The following ANXA8 variants were observed in gnomAD, a reference collection of about 807,000 sequenced individuals.
ANXA8 encodes annexin A8.
A neutral mutation model predicts 26.8 loss-of-function variants in ANXA8; 9 were observed. The observed-to-expected ratio is 0.34, with a 90% CI of 0.20 to 0.59. ANXA8 has a LOEUF of 0.59. ANXA8 is among the 20% of genes least tolerant of loss of function. The pLI, the probability that ANXA8 is intolerant of heterozygous loss-of-function variation, is 0.84. For missense variants in ANXA8, 83 were observed against 238.5 expected, an observed-to-expected ratio of 0.35 and a Z score of 4.29; for synonymous variants, 39 against 94.8, an observed-to-expected ratio of 0.41 and a Z score of 3.42.
chr10:47,976,418 A>T, the ANXA8 span, among the ~76,000 whole-genome samples: 3 of 151,398 alleles, frequency 2.0e-5, 1 homozygote, highest in Non-Finnish European at 4.4e-5. Flanking sequence ...TTGAACATAA[A>T]TGTTCTCAGC....
chr10:47,693,437 C>G, the ANXA8 span, among the ~76,000 whole-genome samples: 2 of 151,592 alleles, frequency 1.3e-5, no homozygotes, highest in Non-Finnish European at 2.9e-5. Context: ...CTACAGGCGC[C>G]TGCCACCGCG....
At chr10:47,595,568 A>G in the ANXA8 span, among the ~76,000 whole-genome samples, 1 of 149,438 alleles carries the variant, frequency 6.7e-6, no homozygotes, top group Non-Finnish European at 1.5e-5. Context: ...ATAGAGAAAG[A>G]TTAATCATGC....
chr10:47,672,943 C>T, the ANXA8 span, among the ~76,000 whole-genome samples: 1 of 151,566 alleles, frequency 6.6e-6, no homozygotes, highest in African/African-American at 2.4e-5. Flanking sequence ...ATGAACCAAA[C>T]TCCAGAAAGT....
chr10:47,918,350 A>G, the ANXA8 span, among the ~76,000 whole-genome samples: 1 of 15,444 alleles, frequency 6.5e-5, no homozygotes, highest in African/African-American at 4.9e-4. Flanking sequence ...AGGGAGGGGG[A>G]GGGAGGGAGA....
At chr10:47,991,530 C>A in the ANXA8 span, 1 of 1,561,982 alleles carries the variant, frequency 6.4e-7, no homozygotes, top group South Asian at 1.1e-5. Flanking sequence ...CTTCTCGGCC[C>A]CTTCCCACCC....
the ANXA8 span, among the ~76,000 whole-genome samples, chr10:47,560,617 A>C: frequency 6.6e-6 from 1 of 151,886 alleles, no homozygotes; most frequent in South Asian, 2.1e-4. Flanking sequence ...CAGATTCCCC[A>C]TGTGCGATGT....
the ANXA8 span, among the ~76,000 whole-genome samples, chr10:47,769,229 A>G: frequency 2.0e-5 from 3 of 149,284 alleles, no homozygotes; most frequent in Non-Finnish European, 4.4e-5. Flanking sequence ...CCATTTGAGC[A>G]TGAAACCTCT....
At chr10:47,543,443 C>T in the ANXA8 span, 8 of 184,680 alleles carry the variant, frequency 4.3e-5, no homozygotes, top group African/African-American at 4.2e-4. Context: ...CCAGCAAGGC[C>T]ATCTTCCCTT....
chr10:47,502,984 G>C, the ANXA8 span: 4 of 1,560,114 alleles, frequency 2.6e-6, 1 homozygote, highest in South Asian at 3.4e-5. Flanking sequence ...GGTGGTGCTG[G>C]AGATACCGGG....
At chr10:47,763,806 T>C in the ANXA8 span, among the ~76,000 whole-genome samples, 1 of 86,256 alleles carries the variant, frequency 1.2e-5, no homozygotes, top group African/African-American at 4.7e-5. Context: ...GGGGAGGGGG[T>C]GGTTGTGGGG....
chr10:47,645,151 T>A, the ANXA8 span, among the ~76,000 whole-genome samples: 3 of 150,736 alleles, frequency 2.0e-5, no homozygotes, highest in African/African-American at 7.4e-5. Flanking sequence ...TAATTAACAC[T>A]AGATTTAGAG....
At chr10:47,530,130 C>T in the ANXA8 span, among the ~76,000 whole-genome samples, 9 of 138,058 alleles carry the variant, frequency 6.5e-5, 1 homozygote, top group East Asian at 6.0e-4. Context: ...ACAATAGCTA[C>T]GACCTGGGGC....
chr10:47,510,112 AT>A, the ANXA8 span: 1 of 1,290,112 alleles, frequency 7.8e-7, no homozygotes, highest in African/African-American at 1.7e-5. Context: ...GGACAACCAA[AT>A]GGCTGAAATA....
chr10:47,502,259 C>G, the ANXA8 span: 1 of 1,596,138 alleles, frequency 6.3e-7, no homozygotes, highest in Non-Finnish European at 8.5e-7. Flanking sequence ...GCCGTGCAGC[C>G]GTCTCCCTCC....
rs1367599499 is a variant in ANXA8, at chr10:47,483,989, C to A, written c.-56G>T. ...GAGATGAAGAGACACAGGTTGGCCT[C>A]TGCTGGGACTCCACACGTCTGGCTC... On this transcript the variant is annotated 5_prime_UTR_variant, in exon 1 of 12. Coordinates refer to ENST00000585281, the MANE Select transcript of ANXA8 (RefSeq NM_001040084.3). 15 of 1,611,698 alleles carry A rather than the reference C, an allele frequency of 9.3e-6. No individual in the cohort carries two copies. Among genetic ancestry groups the A allele is most frequent in the Non-Finnish European group, 1.2e-5 (14 of 1,179,856 alleles).
the ANXA8 span, among the ~76,000 whole-genome samples, chr10:47,696,718 A>C: frequency 0.055 from 5,938 of 108,700 alleles, 303 homozygotes; most frequent in East Asian, 0.21. Flanking sequence ...AGTATTGGGT[A>C]TCATGTTTCG....
At chr10:47,676,147 A>G in the ANXA8 span, among the ~76,000 whole-genome samples, 1 of 151,602 alleles carries the variant, frequency 6.6e-6, no homozygotes, top group African/African-American at 2.4e-5. Context: ...AAAGACAGAA[A>G]AAGTCAGGGA....
At chr10:47,683,187 A>AT in the ANXA8 span, among the ~76,000 whole-genome samples, 1 of 145,352 alleles carries the variant, frequency 6.9e-6, no homozygotes, top group Non-Finnish European at 1.5e-5. Flanking sequence ...ATTTTCTATT[A>AT]TTTTAAAGAG....
At chr10:47,714,469 T>C in the ANXA8 span, among the ~76,000 whole-genome samples, 1 of 93,882 alleles carries the variant, frequency 1.1e-5, no homozygotes, top group Non-Finnish European at 2.0e-5. Context: ...AACCCTCTTT[T>C]GTTTTATTAT....
Sources: gnomAD v4.1 joint callset for allele counts (sites outside exome capture counted in the v4.1 genomes callset) on GRCh38, gnomAD v4.1.1 for gene constraint, MANE v1.5 for transcripts, NCBI Gene and HGNC (gene_info 2026-07-23, HGNC 2026-07-21) for gene names.